The following PRPF39 variants were observed in gnomAD, a reference collection of about 807,000 sequenced individuals.
The protein encoded by PRPF39 is pre-mRNA processing factor 39.
A neutral mutation model predicts 82.1 loss-of-function variants in PRPF39; 27 were observed. The observed-to-expected ratio is 0.33, with a 90% CI of 0.24 to 0.45. The LOEUF is 0.45. Among genes scored for constraint, PRPF39 ranks in the 20% least tolerant of loss-of-function variants. PRPF39 has a pLI of 1.00. For missense variants in PRPF39, 581 were observed against 796.9 expected, an observed-to-expected ratio of 0.73 and a Z score of 3.26; for synonymous variants, 261 against 256.4, an observed-to-expected ratio of 1.02 and a Z score of -0.17.
chr14:45,098,318 C>T (rs574549053), intron 4 of PRPF39, among the ~76,000 whole-genome samples: 3 of 152,050 alleles, frequency 2.0e-5, no homozygotes, highest in Non-Finnish European at 2.9e-5. Flanking sequence ...TGGCGCATGC[C>T]TGTAGTTCTA....
At position 45,110,298 on chromosome 14, in the gene PRPF39, G is replaced by T; in HGVS notation, c.1303+78G>T. On this transcript the variant is annotated intron_variant, in intron 9 of 13. Coordinates refer to ENST00000355765, the MANE Select transcript of PRPF39 (RefSeq NM_017922.4). The surrounding 1 kb of genome is among the most constrained non-coding windows in gnomAD (Gnocchi z 4.0). ...AAACAGTGACAAATTGAGTGGTAAG[G>T]GATGGTGTAAAGCAGAGTTTGGCAA... 1 of 1,567,372 alleles carries T rather than the reference G, an allele frequency of 6.4e-7. No individual in the cohort carries two copies. The highest frequency in any genetic ancestry group is 8.7e-7 in the Non-Finnish European group (1 of 1,148,806).
In PRPF39 at chr14:45,114,164, T is replaced by G. The variant is rs765830382; in HGVS notation, c.1758-19T>G. 3.9e-6 allele frequency: 6 copies of G among 1,529,908 alleles called. No individual in the cohort carries two copies. Among genetic ancestry groups the G allele is most frequent in the Non-Finnish European group, 3.6e-6 (4 of 1,120,250 alleles). 94.8% of individuals were successfully genotyped at this position (1,529,908 alleles called of 1,614,324 possible). On this transcript the variant is annotated intron_variant, in intron 11 of 13. Coordinates refer to ENST00000355765, the MANE Select transcript of PRPF39 (RefSeq NM_017922.4). ...TGTTTTTTGTATATTCCAGAGGATA[T>G]TTTTTTCTTTCCTTTCAGGCTTCTG... is the stretch of plus-strand genomic sequence containing the variant.
At chr14:45,101,638 G>T (rs1442653710) in intron 4 of PRPF39, among the ~76,000 whole-genome samples, 1 of 151,730 alleles carries the variant, frequency 6.6e-6, no homozygotes, top group Non-Finnish European at 1.5e-5. Flanking sequence ...GCTAATTTTT[G>T]TATTTTTAGT....
chr14:45,101,196 G>A (rs1381381454), intron 4 of PRPF39, among the ~76,000 whole-genome samples: 2 of 152,038 alleles, frequency 1.3e-5, no homozygotes, highest in African/African-American at 2.4e-5. Flanking sequence ...TTGCATTTTT[G>A]TATTCTAGAT....
In PRPF39 at chr14:45,084,191, AT is replaced by A. The variant is rs1883745818; in HGVS notation, c.-77del. On this transcript the variant is annotated 5_prime_UTR_variant, in exon 1 of 14. Transcript: ENST00000355765. ...GTGGGGACGGAGGCGGTGAAGTGCC[AT>A]CTTCGGCTAGGTCGTCACAGGCTCC... is the stretch of plus-strand genomic sequence containing the variant. 1 of 153,294 alleles carries A rather than the reference AT, an allele frequency of 6.5e-6. No homozygotes were observed. Among genetic ancestry groups the A allele is most frequent in the Non-Finnish European group, 1.5e-5 (1 of 68,562 alleles). The allele number at this position is 153,294 out of a possible 1,614,324, so 9.5% of individuals were successfully genotyped here. A position where few individuals can be genotyped will look rare whatever the true frequency, so the allele number is the denominator to read the frequency against.
intron 1 of PRPF39, 65 bp from the exon 2 acceptor site, chr14:45,095,156 T>G (rs779111743): frequency 2.0e-5 from 22 of 1,079,880 alleles, no homozygotes; most frequent in Non-Finnish European, 2.2e-5. Flanking sequence ...TTAAAAGGTG[T>G]TGTTGAGGCC....
intron 1 of PRPF39, among the ~76,000 whole-genome samples, chr14:45,092,600 C>CAAAA (rs775755309): frequency 3.9e-5 from 2 of 51,470 alleles, no homozygotes; most frequent in Non-Finnish European, 4.4e-5. Context: ...GACTCTGTCT[C>CAAAA]AAAAAAAAAA....
chr14:45,114,526 C>G lies in PRPF39; in HGVS notation c.1865C>G (p.Thr622Arg). 1.3e-6 allele frequency: 2 copies of G among 1,588,562 alleles called. No homozygotes were observed. Among genetic ancestry groups the G allele is most frequent in the Non-Finnish European group, 1.7e-6 (2 of 1,172,614 alleles). ...GAACCAGAGGAAAAGAAAGCACATA[C>G]AGAAGATACAACTTCATCATCTACA... ...SEEPEEKKAH[T>R]EDTTSSSTQM... Residue 622 changes from threonine (T) to arginine (R), a missense_variant, in exon 13 of 14, where the codon ACA (threonine) becomes AGA (arginine). By Grantham distance (71) the Thr-to-Arg change is moderately conservative. Coordinates refer to ENST00000355765, the MANE Select transcript of PRPF39 (RefSeq NM_017922.4).
chr14:45,112,729 T>G (rs1884731050), intron 11 of PRPF39, among the ~76,000 whole-genome samples: 1 of 152,196 alleles, frequency 6.6e-6, no homozygotes, highest in Admixed American at 6.5e-5. Flanking sequence ...TTCCCAATTT[T>G]AGAATGACAA....
intron 5 of PRPF39, among the ~76,000 whole-genome samples, chr14:45,106,360 T>G (rs1388005312): frequency 4.6e-5 from 7 of 151,660 alleles, no homozygotes; most frequent in African/African-American, 1.5e-4. Context: ...CACAAGAAAA[T>G]AAAGAAAGAA....
chr14:45,092,809 A>G (rs1300642966), intron 1 of PRPF39, among the ~76,000 whole-genome samples: 9 of 152,092 alleles, frequency 5.9e-5, no homozygotes, highest in African/African-American at 2.2e-4. Context: ...TATTAGTTTT[A>G]AACAGCTTAC....
At position 45,110,181 on chromosome 14, in the gene PRPF39, A is replaced by G. The variant is rs1248578210; in HGVS notation, c.1264A>G (p.Met422Val). The change falls in exon 9 of 14, where the codon ATG becomes GTG. Residue 422 changes from methionine (M) to valine (V), a missense_variant. Coordinates refer to ENST00000355765, the MANE Select transcript of PRPF39 (RefSeq NM_017922.4). The surrounding 1 kb of genome is among the most constrained non-coding windows in gnomAD (Gnocchi z 4.0). ...ACTIHLPKKP[M>V]VHMLWAAFEE... ...TACTATACATCTCCCAAAGAAACCC[A>G]TGGTGCATATGCTTTGGGCAGCTTT... is the stretch of plus-strand genomic sequence containing the variant. 3 of 1,613,748 alleles carry G rather than the reference A, an allele frequency of 1.9e-6. No individual in the cohort carries two copies. Among genetic ancestry groups the G allele is most frequent in the Non-Finnish European group, 1.7e-6 (2 of 1,179,702 alleles).
intron 4 of PRPF39, among the ~76,000 whole-genome samples, chr14:45,097,565 G>A (rs889065612): frequency 2.0e-5 from 3 of 152,054 alleles, no homozygotes; most frequent in African/African-American, 7.2e-5. Flanking sequence ...AAATGGTATC[G>A]ATTCTAAACT....
chr14:45,090,789 T>C (rs1388183724), intron 1 of PRPF39, among the ~76,000 whole-genome samples: 5 of 152,128 alleles, frequency 3.3e-5, no homozygotes, highest in African/African-American at 9.7e-5. Context: ...TAATAGACAT[T>C]AGTGAGTAAG....
chr14:45,113,805 GT>G (rs1185385310), intron 11 of PRPF39, among the ~76,000 whole-genome samples: 1 of 152,138 alleles, frequency 6.6e-6, no homozygotes, highest in Non-Finnish European at 1.5e-5. Flanking sequence ...TTGATTGGAG[GT>G]TTTTGTGAAG....
At chr14:45,094,174 C>T (rs1292662007) in intron 1 of PRPF39, among the ~76,000 whole-genome samples, 1 of 151,650 alleles carries the variant, frequency 6.6e-6, no homozygotes, top group Non-Finnish European at 1.5e-5. Context: ...GTTTTATGGT[C>T]TGCTTAATTT....
chr14:45,096,611 C>T, intron 3 of PRPF39: 2 of 1,467,336 alleles, frequency 1.4e-6, no homozygotes, highest in Non-Finnish European at 1.8e-6. Flanking sequence ...GTCATTGATG[C>T]TCTAATGGGT....
chr14:45,099,610 A>G (rs1034262778), intron 4 of PRPF39, among the ~76,000 whole-genome samples: 13 of 151,696 alleles, frequency 8.6e-5, no homozygotes, highest in Non-Finnish European at 1.3e-4. Flanking sequence ...ACGCCTGACT[A>G]ATTTTTTGTA....
At chr14:45,103,213 T>C (rs1175784164) in intron 5 of PRPF39, among the ~76,000 whole-genome samples, 2 of 152,192 alleles carry the variant, frequency 1.3e-5, no homozygotes, top group African/African-American at 4.8e-5. Context: ...TTTTCTAAAA[T>C]GATTTTTCTG....
Sources: gnomAD v4.1 joint callset for allele counts (sites outside exome capture counted in the v4.1 genomes callset) on GRCh38, gnomAD v4.1.1 for gene constraint, Gnocchi (gnomAD v3.1) non-coding constraint, MANE v1.5 for transcripts, NCBI Gene and HGNC (gene_info 2026-07-23, HGNC 2026-07-21) for gene names.